NADK: variants seen among roughly 807,000 people sequenced by gnomAD.
NADK encodes the protein poly(P)/ATP NAD kinase.
NADK carries 22 observed loss-of-function variants against 49.8 expected under a neutral mutation model. The ratio of observed to expected loss-of-function variants is 0.44; its 90% CI spans 0.32 to 0.63. NADK has a LOEUF of 0.63. Among genes scored for constraint, NADK ranks in the 30% least tolerant of loss-of-function variants. NADK has a pLI of 0.06. For missense variants in NADK, 438 were observed against 609.4 expected (o/e 0.72, Z 2.96); for synonymous variants, 268 against 253.7 (o/e 1.06, Z -0.54).
At chr1:1,769,069 T>C (rs1645968949) in intron 1 of NADK, among the ~76,000 whole-genome samples, 1 of 152,210 alleles carries the variant, frequency 6.6e-6, no homozygotes, top group East Asian at 1.9e-4. Flanking sequence ...CAGAAGATTC[T>C]AATGTTTAGC....
intron 1 of NADK, among the ~76,000 whole-genome samples, chr1:1,776,063 A>G (rs577337996): frequency 1.3e-5 from 2 of 151,674 alleles, no homozygotes; most frequent in East Asian, 3.9e-4. Flanking sequence ...TGTGCTCAAC[A>G]CTCCCTCTTG....
intron 6 of NADK, among the ~76,000 whole-genome samples, chr1:1,755,786 G>A (rs980805012): frequency 2.6e-5 from 4 of 152,154 alleles, no homozygotes; most frequent in Admixed American, 2.0e-4. Context: ...GGAGCCTCGC[G>A]CCCCACAGGT....
At chr1:1,753,702 C>A in intron 10 of NADK, 53 bp from the exon 11 acceptor site, 1 of 1,490,896 alleles carries the variant, frequency 6.7e-7, no homozygotes, top group South Asian at 1.2e-5. Context: ...GAGGACGCTT[C>A]TAGGCACCCA....
At chr1:1,774,051 AT>A (rs930202169) in intron 1 of NADK, among the ~76,000 whole-genome samples, 3 of 152,082 alleles carry the variant, frequency 2.0e-5, no homozygotes, top group African/African-American at 7.2e-5. Context: ...CTCTGTTCAT[AT>A]TTATTTGCGA....
intron 2 of NADK, among the ~76,000 whole-genome samples, chr1:1,763,531 A>G (rs1047376146): frequency 6.6e-6 from 1 of 151,706 alleles, no homozygotes; most frequent in Admixed American, 6.6e-5. Context: ...AGGCAGGAGA[A>G]TCACTTGAAC....
chr1:1,775,136 A>G (rs1038434669), intron 1 of NADK, among the ~76,000 whole-genome samples: 1 of 152,102 alleles, frequency 6.6e-6, no homozygotes, highest in African/African-American at 2.4e-5. Flanking sequence ...CCTCTGTATT[A>G]GGAAGTTTTA....
At chr1:1,759,214 A>G in intron 3 of NADK, 1 of 1,576,242 alleles carries the variant, frequency 6.3e-7, no homozygotes, top group Non-Finnish European at 8.6e-7. Flanking sequence ...TGTGACCACA[A>G]ACCAGCGCCT....
In NADK at chr1:1,756,563, C is replaced by A. The variant is rs1010981575; in HGVS notation, c.439G>T (p.Ala147Ser). The A allele has an allele frequency of 1.2e-6, 2 of 1,613,980 alleles. No homozygotes were observed. Among genetic ancestry groups the A allele is most frequent in the Non-Finnish European group, 1.7e-6 (2 of 1,180,038 alleles). The change falls in exon 5 of 12, where the codon GCC (alanine) becomes TCC (serine). Residue 147 changes from alanine to serine, a missense_variant. Coordinates refer to ENST00000341426, the MANE Select transcript of NADK (RefSeq NM_023018.5). ...CCAAAGCTTTCATCGCTGGCGATGG[C>A]AGGGTCTTCTAGCACTTTCTTTTCC... ...YVEKKVLEDP[A>S]IASDESFGAV...
chr1:1,757,406 G>T, intron 3 of NADK, 96 bp from the exon 4 acceptor site: 1 of 1,196,166 alleles, frequency 8.4e-7, no homozygotes. Flanking sequence ...TCTTTAAAAA[G>T]GTGTTTTCAC....
intron 3 of NADK, chr1:1,759,826 CG>C: frequency 1.2e-5 from 19 of 1,552,174 alleles, no homozygotes; most frequent in Non-Finnish European, 1.7e-5. Flanking sequence ...TGCACCTGTC[CG>C]GTGACCCCGC....
chr1:1,759,888 GA>G lies in NADK; in HGVS notation c.263+2063del, dbSNP rs1176380630. The G allele has an allele frequency of 1.9e-6, 3 of 1,550,560 alleles. No individual in the cohort carries two copies. In the African/African-American group the frequency reaches 4.1e-5, roughly 21 times the overall value. On this transcript the variant is annotated intron_variant, in intron 3 of 11. Transcript: ENST00000341426. ...TGAAGGCAGCAGCTGAGATGCGAGT[GA>G]CAAAGGAGTGGCTCTGCCAGGACCA... is the stretch of plus-strand genomic sequence containing the variant.
At chr1:1,759,013 G>T in intron 3 of NADK, 1 of 1,416,302 alleles carries the variant, frequency 7.1e-7, no homozygotes. Flanking sequence ...CGTGCAGGTG[G>T]CTCACGGTCC....
Position 1,753,593 on chromosome 1 carries a change from C to T in NADK, c.1158G>A (p.Lys386=). 4.3e-6 allele frequency: 7 copies of T among 1,612,908 alleles called. No homozygotes were observed. The highest frequency in any genetic ancestry group is 5.9e-6 in the Non-Finnish European group (7 of 1,179,562). The change falls in exon 11 of 12, where the codon AAG becomes AAA. Residue 386 remains lysine, a synonymous_variant. Coordinates refer to ENST00000341426, the MANE Select transcript of NADK (RefSeq NM_023018.5). ...TGTCTCCATGGCGGATCTCTTGTCTCTTCCGTCCATCAAAGGACACCCATG... is the reference window on the plus strand; with the variant it reads ...TGTCTCCATGGCGGATCTCTTGTCTTTTCCGTCCATCAAAGGACACCCATG... ...NTAWVSFDGR[K]RQEIRHGDSI...
At position 1,759,856 on chromosome 1, in the gene NADK, C is replaced by T. The variant is rs578188645; in HGVS notation, c.263+2096G>A. 2.0e-5 allele frequency: 31 copies of T among 1,550,810 alleles called. No individual in the cohort carries two copies. Among genetic ancestry groups the T allele is most frequent in the African/African-American group, 1.8e-4 (13 of 73,170 alleles). On this transcript the variant is annotated intron_variant, in intron 3 of 11. Coordinates refer to ENST00000341426, the MANE Select transcript of NADK (RefSeq NM_023018.5). ...ACCCCGCCCTGGCCCGAGTGACTGA[C>T]GGCTGGTGAAGGCAGCAGCTGAGAT...
In NADK at chr1:1,754,389, G is replaced by C; in HGVS notation, c.844-6C>G. On this transcript the variant is annotated splice_region_variant and splice_polypyrimidine_tract_variant and intron_variant, in intron 8 of 11. Transcript: ENST00000341426. The surrounding 1 kb of genome is among the most constrained non-coding windows in gnomAD (Gnocchi z 4.3). Reference sequence around the variant, plus strand: ...ATCACCACCTCATTCAGGACCTGGAGGGGCGACAGCATTGCACACTCAGGG... The same window carrying C: ...ATCACCACCTCATTCAGGACCTGGACGGGCGACAGCATTGCACACTCAGGG... The C allele has an allele frequency of 6.2e-7, 1 of 1,613,632 alleles. No individual in the cohort carries two copies. Among genetic ancestry groups the C allele is most frequent in the South Asian group, 1.1e-5 (1 of 91,068 alleles).
chr1:1,760,605 T>G (rs143643562), intron 3 of NADK, among the ~76,000 whole-genome samples: 90 of 152,222 alleles, frequency 5.9e-4, no homozygotes, highest in African/African-American at 2.0e-3. Context: ...GCCTGCGCGC[T>G]GGAACACTCG....
chr1:1,756,817 G>A (rs1002306481), intron 4 of NADK: 1 of 915,506 alleles, frequency 1.1e-6, no homozygotes. Context: ...TCCCTCTCAG[G>A]AATTGACTAA....
chr1:1,762,759 A>AAATGAATG (rs145189624), intron 2 of NADK, among the ~76,000 whole-genome samples: 42 of 149,064 alleles, frequency 2.8e-4, no homozygotes, highest in South Asian at 4.2e-4. Flanking sequence ...CTCTGTCTCA[A>AAATGAATG]AATGAATGAA....
chr1:1,764,523 C>T (rs1645826249), intron 2 of NADK, among the ~76,000 whole-genome samples: 1 of 152,240 alleles, frequency 6.6e-6, no homozygotes. Flanking sequence ...GCCCTGCTCA[C>T]AGTGCAGAAC....
Sources: allele counts gnomAD v4.1 joint callset (sites outside exome capture counted in the v4.1 genomes callset), GRCh38; gene constraint gnomAD v4.1.1; non-coding constraint Gnocchi (gnomAD v3.1); transcripts MANE v1.5; gene names NCBI Gene and HGNC (gene_info 2026-07-23, HGNC 2026-07-21).